The following ABCC4 variants were observed in gnomAD, a reference collection of about 807,000 sequenced individuals.
ABCC4 encodes ATP binding cassette subfamily C member 4 (PEL blood group).
ABCC4 carries 102 observed loss-of-function variants against 168.5 expected under a neutral mutation model. The ratio of observed to expected loss-of-function variants is 0.61; its 90% CI spans 0.52 to 0.71. ABCC4 has a LOEUF of 0.71. Ranked by LOEUF, ABCC4 falls within the 30% of genes least tolerant of loss-of-function variation. ABCC4 has a pLI of 0.00. For synonymous variants in ABCC4, 617 were observed against 590.7 expected (o/e 1.04, Z -0.65); for missense variants, 1,402 against 1,605.8 (o/e 0.87, Z 2.17).
chr13:95,203,443 C>G (rs748745476), intron 8 of ABCC4, among the ~76,000 whole-genome samples: 3 of 151,290 alleles, frequency 2.0e-5, no homozygotes, highest in Non-Finnish European at 4.4e-5. Flanking sequence ...TTCAAGCAAG[C>G]CTGAGCCTCC....
At chr13:95,271,411 C>T (rs551559301) in intron 1 of ABCC4, among the ~76,000 whole-genome samples, 2 of 152,278 alleles carry the variant, frequency 1.3e-5, no homozygotes, top group Admixed American at 6.5e-5. Flanking sequence ...GAAGGTCACA[C>T]GCTGGCCTTT....
intron 15 of ABCC4, among the ~76,000 whole-genome samples, chr13:95,165,488 G>A (rs193036434): frequency 1.1e-3 from 165 of 152,286 alleles, no homozygotes; most frequent in Middle Eastern, 3.4e-3. Flanking sequence ...ATTTCTGCCC[G>A]GAGGACTTAG....
At chr13:95,154,570 T>C (rs1056206014) in intron 19 of ABCC4, among the ~76,000 whole-genome samples, 1 of 152,232 alleles carries the variant, frequency 6.6e-6, no homozygotes, top group Non-Finnish European at 1.5e-5. Flanking sequence ...TTTATACTGG[T>C]GACGAATGAT....
At chr13:95,125,837 C>T (rs2035740033) in intron 19 of ABCC4, among the ~76,000 whole-genome samples, 1 of 152,150 alleles carries the variant, frequency 6.6e-6, no homozygotes, top group Non-Finnish European at 1.5e-5. Context: ...ACAGACCAGG[C>T]CATTTCCTTT....
In ABCC4 at chr13:95,044,321, G is replaced by C; in HGVS notation, c.3574C>G (p.Leu1192Val). Residue 1192 changes from leucine (L) to valine (V), a missense_variant, in exon 28 of 31, where the codon CTC becomes GTC. Physicochemically the swap from Leu to Val is conservative, Grantham distance 32 (BLOSUM62 1). Transcript: ENST00000645237. ...ATAATCAATATCTGATTTTTCCTGAGAATTGCCCTGGCAAGGCACACCAGT... is the reference window on the plus strand; with the variant it reads ...ATAATCAATATCTGATTTTTCCTGACAATTGCCCTGGCAAGGCACACCAGT... ...RQLVCLARAILRKNQILIIDE... is the reference protein window; with the variant it reads ...RQLVCLARAIVRKNQILIIDE... 1 of 1,613,470 alleles carries C rather than the reference G, an allele frequency of 6.2e-7. No individual in the cohort carries two copies. The highest frequency in any genetic ancestry group is 8.5e-7 in the Non-Finnish European group (1 of 1,179,768).
chr13:95,085,612 C>T (rs949098481), intron 20 of ABCC4, among the ~76,000 whole-genome samples: 3 of 152,174 alleles, frequency 2.0e-5, no homozygotes, highest in East Asian at 3.9e-4. Context: ...TTGCTTGCTG[C>T]GGGAACACAG....
intron 1 of ABCC4, among the ~76,000 whole-genome samples, chr13:95,264,864 C>CTT (rs55932446): frequency 8.5e-5 from 9 of 106,480 alleles, no homozygotes; most frequent in South Asian, 3.5e-4. Flanking sequence ...CTACAATCCA[C>CTT]TTTTTTTTTT....
intron 8 of ABCC4, among the ~76,000 whole-genome samples, chr13:95,200,663 G>A (rs1184615574): frequency 2.6e-5 from 4 of 152,182 alleles, no homozygotes; most frequent in African/African-American, 9.7e-5. Flanking sequence ...AGAGGTTGCA[G>A]TGAGCTGAGA....
chr13:95,093,444 C>T (rs1291050616), intron 20 of ABCC4, among the ~76,000 whole-genome samples: 2 of 152,062 alleles, frequency 1.3e-5, no homozygotes, highest in Non-Finnish European at 2.9e-5. Flanking sequence ...CAAAAAATCA[C>T]ATAATCATCT....
At chr13:95,104,068 T>C (rs775217078) in intron 20 of ABCC4, among the ~76,000 whole-genome samples, 1 of 152,220 alleles carries the variant, frequency 6.6e-6, no homozygotes, top group Non-Finnish European at 1.5e-5. Flanking sequence ...AAATAAGGGA[T>C]ACACAATACA....
chr13:95,105,135 C>T (rs1435204448), intron 20 of ABCC4, among the ~76,000 whole-genome samples: 1 of 151,800 alleles, frequency 6.6e-6, no homozygotes, highest in Non-Finnish European at 1.5e-5. Context: ...GACAGATGAT[C>T]AGGCACTAGA....
At chr13:95,116,974 CA>C (rs879854475) in intron 19 of ABCC4, among the ~76,000 whole-genome samples, 4 of 152,126 alleles carry the variant, frequency 2.6e-5, no homozygotes, top group Non-Finnish European at 5.9e-5. Flanking sequence ...TACCAGGCTG[CA>C]AGTGGACCAT....
chr13:95,081,359 C>G (rs1476746011), intron 21 of ABCC4, among the ~76,000 whole-genome samples: 1 of 152,192 alleles, frequency 6.6e-6, no homozygotes, highest in Non-Finnish European at 1.5e-5. Context: ...CTTCAACATA[C>G]CACAGACTCC....
rs569647461 is a variant in ABCC4, at chr13:95,247,489, G to C, written c.185+154C>G. 2.0e-5 allele frequency among the ~76,000 whole-genome samples: 3 copies of C among 152,222 alleles called. No individual in the cohort carries two copies. In the South Asian group the frequency reaches 6.2e-4, roughly 32 times the overall value. The stretch of plus-strand genomic sequence containing the variant: ...ACAGGAGTTTCCCCCAGGCCACCAT[G>C]GTAGGCTGAGCCTAGGGGCAGCCTG... On this transcript the variant is annotated intron_variant, in intron 2 of 30. Coordinates refer to ENST00000645237, the MANE Select transcript of ABCC4 (RefSeq NM_005845.5).
At chr13:95,195,259 T>C (rs2038380222) in intron 8 of ABCC4, among the ~76,000 whole-genome samples, 1 of 152,186 alleles carries the variant, frequency 6.6e-6, no homozygotes, top group South Asian at 2.1e-4. Context: ...AGTTCTACTG[T>C]TGTACTTTTG....
At chr13:95,085,012 A>T (rs886733603) in intron 20 of ABCC4, among the ~76,000 whole-genome samples, 1 of 152,224 alleles carries the variant, frequency 6.6e-6, no homozygotes, top group Non-Finnish European at 1.5e-5. Flanking sequence ...CTGAAACCAC[A>T]ACGCTTGCTT....
At chr13:95,075,369 G>C in intron 22 of ABCC4, 63 bp downstream of exon 22, 2 of 1,606,940 alleles carry the variant, frequency 1.2e-6, no homozygotes. Context: ...TCTGACCAGG[G>C]AGGTTAAGCC....
At chr13:95,064,238 A>G (rs902072773) in intron 25 of ABCC4, among the ~76,000 whole-genome samples, 1 of 133,866 alleles carries the variant, frequency 7.5e-6, no homozygotes, top group Non-Finnish European at 1.5e-5. Flanking sequence ...GCACATAGGT[A>G]CATCCGGGTG....
intron 1 of ABCC4, among the ~76,000 whole-genome samples, chr13:95,253,281 T>C (rs1408915106): frequency 6.6e-6 from 1 of 152,232 alleles, no homozygotes; most frequent in African/African-American, 2.4e-5. Context: ...AAATTTTCTC[T>C]GTAGCATCTG....
Sources: gnomAD v4.1 joint callset for allele counts (sites outside exome capture counted in the v4.1 genomes callset) on GRCh38, gnomAD v4.1.1 for gene constraint, MANE v1.5 for transcripts, NCBI Gene and HGNC (gene_info 2026-07-23, HGNC 2026-07-21) for gene names.